NAALADL2: variants seen among roughly 807,000 people sequenced by gnomAD.
NAALADL2 encodes inactive N-acetylated-alpha-linked acidic dipeptidase-like protein 2.
NAALADL2 carries 76 observed loss-of-function variants against 87.2 expected under a neutral mutation model. The observed-to-expected ratio is 0.87, with a 90% CI of 0.72 to 1.05. NAALADL2 has a LOEUF of 1.05. Ranked by LOEUF, NAALADL2 falls within the 50% of genes least tolerant of loss-of-function variation. The pLI is 0.00. For synonymous variants in NAALADL2, 354 were observed against 331.0 expected (o/e 1.07, Z -0.75); for missense variants, 1,089 against 945.8 (o/e 1.15, Z -1.99).
chr3:174,710,569 T>A (rs910167130), intron 2 of NAALADL2, among the ~76,000 whole-genome samples: 9 of 152,108 alleles, frequency 5.9e-5, no homozygotes, highest in African/African-American at 2.2e-4. Context: ...ATGAGCCTTT[T>A]AAAATTTTTT....
intron 3 of NAALADL2, among the ~76,000 whole-genome samples, chr3:174,841,510 T>TAAA (rs1328904060): frequency 1.3e-5 from 2 of 152,224 alleles, no homozygotes; most frequent in East Asian, 3.8e-4. Context: ...TTTTCGAAGC[T>TAAA]ACCATGAAGA....
chr3:175,166,349 C>G (rs1734005518), intron 2 of NAALADL2, among the ~76,000 whole-genome samples: 1 of 149,718 alleles, frequency 6.7e-6, no homozygotes, highest in Admixed American at 6.6e-5. Context: ...ATTTCTCACT[C>G]TCTCTCCATT....
chr3:175,552,624 G>C (rs1037098997), intron 9 of NAALADL2, among the ~76,000 whole-genome samples: 2 of 152,076 alleles, frequency 1.3e-5, no homozygotes, highest in Non-Finnish European at 2.9e-5. Context: ...TAGTCTTACA[G>C]TGCTATGTTG....
chr3:175,236,364 A>T (rs9883513), intron 3 of NAALADL2, among the ~76,000 whole-genome samples: 1 of 151,506 alleles, frequency 6.6e-6, no homozygotes, highest in East Asian at 2.0e-4. Context: ...TGACCAACAC[A>T]GTGAAACCCT....
intron 1 of NAALADL2, among the ~76,000 whole-genome samples, chr3:174,526,369 G>A (rs1364648433): frequency 6.6e-6 from 1 of 152,088 alleles, no homozygotes; most frequent in Non-Finnish European, 1.5e-5. Flanking sequence ...TGTGACTTTG[G>A]CATGCTTTAC....
intron 2 of NAALADL2, among the ~76,000 whole-genome samples, chr3:175,147,490 A>G (rs920342573): frequency 6.6e-6 from 1 of 152,128 alleles, no homozygotes; most frequent in Admixed American, 6.6e-5. Context: ...CCAGTCTACC[A>G]CGGATGGGCA....
intron 3 of NAALADL2, among the ~76,000 whole-genome samples, chr3:174,847,729 G>A (rs113283816): frequency 0.02 from 2,972 of 152,004 alleles, 103 homozygotes; most frequent in African/African-American, 0.069. Flanking sequence ...TAAACAACGG[G>A]TGTAGAACTA....
chr3:175,667,233 AAGAAAGAAAAAGAAAG>A (rs1168491283), intron 11 of NAALADL2, among the ~76,000 whole-genome samples: 5 of 110,162 alleles, frequency 4.5e-5, no homozygotes, highest in African/African-American at 2.6e-4. Flanking sequence ...GAAAGAAAGA[AAGAAAGAAAAAGAAAG>A]AAAGAAAGAA....
At chr3:174,762,622 G>C (rs1224202503) in intron 3 of NAALADL2, among the ~76,000 whole-genome samples, 1 of 151,994 alleles carries the variant, frequency 6.6e-6, no homozygotes, top group African/African-American at 2.4e-5. Context: ...TGGAATTTCA[G>C]AGTGTTCTAA....
intron 2 of NAALADL2, among the ~76,000 whole-genome samples, chr3:174,564,797 G>A (rs987222161): frequency 6.6e-6 from 1 of 151,580 alleles, no homozygotes; most frequent in Non-Finnish European, 1.5e-5. Context: ...AAATGTATTT[G>A]GGTATTTCAG....
At chr3:175,358,093 T>G (rs1273044834) in intron 5 of NAALADL2, among the ~76,000 whole-genome samples, 1 of 152,148 alleles carries the variant, frequency 6.6e-6, no homozygotes, top group African/African-American at 2.4e-5. Context: ...GCAAGTGACA[T>G]AAATTTTTAA....
intron 2 of NAALADL2, among the ~76,000 whole-genome samples, chr3:175,147,086 T>C (rs1050376652): frequency 6.6e-6 from 1 of 152,170 alleles, no homozygotes; most frequent in Non-Finnish European, 1.5e-5. Context: ...AAACATGATT[T>C]TTAAAAAATA....
At chr3:175,802,923 C>CTCTT in intron 13 of NAALADL2, 82 bp from the exon 14 acceptor site, 1 of 856,896 alleles carries the variant, frequency 1.2e-6, no homozygotes, top group Non-Finnish European at 1.9e-6. Context: ...ACATCACTGA[C>CTCTT]TCTTAGAAAT....
At chr3:175,375,313 A>C (rs1387688466) in intron 5 of NAALADL2, among the ~76,000 whole-genome samples, 3 of 152,202 alleles carry the variant, frequency 2.0e-5, no homozygotes, top group African/African-American at 7.2e-5. Flanking sequence ...GTCAATATCT[A>C]TAACATAGCC....
chr3:174,560,973 G>A (rs142181203), intron 2 of NAALADL2, among the ~76,000 whole-genome samples: 403 of 152,242 alleles, frequency 2.6e-3, no homozygotes, highest in African/African-American at 8.9e-3. Flanking sequence ...CAACTTTTAA[G>A]TAACACCTGT....
At chr3:175,566,601 G>A (rs575912819) in intron 9 of NAALADL2, among the ~76,000 whole-genome samples, 3 of 64,180 alleles carry the variant, frequency 4.7e-5, no homozygotes, top group East Asian at 6.8e-4. Context: ...AGTATGAGGC[G>A]CCAGATTTCT....
chr3:174,865,325 A>G (rs1216504685), intron 1 of NAALADL2, among the ~76,000 whole-genome samples: 1 of 152,064 alleles, frequency 6.6e-6, no homozygotes, highest in Non-Finnish European at 1.5e-5. Context: ...GTTAAACCAT[A>G]CAATCAACTT....
At chr3:175,152,045 G>C (rs1395624826) in intron 2 of NAALADL2, among the ~76,000 whole-genome samples, 1 of 152,036 alleles carries the variant, frequency 6.6e-6, no homozygotes, top group East Asian at 1.9e-4. Flanking sequence ...ATTTTTAATA[G>C]CTGTTATCAA....
At chr3:174,924,095 G>T (rs1735624389) in intron 1 of NAALADL2, among the ~76,000 whole-genome samples, 1 of 151,914 alleles carries the variant, frequency 6.6e-6, no homozygotes, top group South Asian at 2.1e-4. Context: ...AAGTTCTAGG[G>T]TACATGTACA....
Sources: allele counts gnomAD v4.1 joint callset (sites outside exome capture counted in the v4.1 genomes callset), GRCh38; gene constraint gnomAD v4.1.1; transcripts MANE v1.5; gene names NCBI Gene and HGNC (gene_info 2026-07-23, HGNC 2026-07-21).